The following UBE3D variants were observed in gnomAD, a reference collection of about 807,000 sequenced individuals.
UBE3D encodes the protein ubiquitin protein ligase E3D.
In UBE3D, 48 loss-of-function variants were observed where a neutral mutation model predicts 49.6. The ratio of observed to expected loss-of-function variants is 0.97; its 90% CI spans 0.77 to 1.23. UBE3D has a LOEUF of 1.23. Ranked by LOEUF, UBE3D falls within the 50% of genes most tolerant of loss-of-function variation. The pLI, the probability that UBE3D is intolerant of heterozygous loss-of-function variation, is 0.00. For synonymous variants in UBE3D, 189 were observed against 174.2 expected, an observed-to-expected ratio of 1.08 and a Z score of -0.67; for missense variants, 452 against 468.4, an observed-to-expected ratio of 0.96 and a Z score of 0.32.
intron 9 of UBE3D, among the ~76,000 whole-genome samples, chr6:82,922,850 G>A (rs530014980): frequency 6.6e-6 from 1 of 152,286 alleles, no homozygotes; most frequent in East Asian, 1.9e-4. Flanking sequence ...AATCTACAAA[G>A]AAGGTAAACA....
chr6:82,931,064 C>T (rs1774107275), intron 9 of UBE3D, among the ~76,000 whole-genome samples: 1 of 152,188 alleles, frequency 6.6e-6, no homozygotes, highest in Non-Finnish European at 1.5e-5. Flanking sequence ...CGCATCCTAG[C>T]TGCTCCAGTC....
chr6:82,968,217 A>G (rs1277317828), intron 8 of UBE3D, among the ~76,000 whole-genome samples: 2 of 152,126 alleles, frequency 1.3e-5, no homozygotes, highest in East Asian at 3.9e-4. Flanking sequence ...TTGTATTTTT[A>G]AAGCTTACCA....
chr6:83,063,412 T>TAAAAAAAAAAAAAAAAAAAAAAAAA (rs201669450), intron 1 of UBE3D, among the ~76,000 whole-genome samples: 1 of 45,496 alleles, frequency 2.2e-5, no homozygotes, highest in Non-Finnish European at 4.4e-5. Flanking sequence ...AGACGCTGTC[T>TAAAAAAAAAAAAAAAAAAAAAAAAA]AAAAAAAAAA....
Position 83,057,926 on chromosome 6 carries a change from T to C in UBE3D, c.174A>G (p.Pro58=), listed in dbSNP as rs145853060. Residue 58 remains proline (P), a synonymous_variant, in exon 2 of 10, where the codon CCA becomes CCG. Coordinates refer to ENST00000369747, the MANE Select transcript of UBE3D (RefSeq NM_198920.3). The stretch of plus-strand genomic sequence containing the variant: ...AGGAAGGTACAAGCCTGACCTCTGC[T>C]GGAAGCTGGATTTCTGTGCAGCCTT... The part of the protein sequence containing the change: ...TPEGCTEIQL[P]AEVRLVPSSC... The C allele has an allele frequency of 3.1e-6, 5 of 1,614,096 alleles. No homozygotes were observed. In the African/African-American group the frequency reaches 6.7e-5, roughly 22 times the overall value.
chr6:82,961,561 GCA>G (rs1016524150), intron 8 of UBE3D, among the ~76,000 whole-genome samples: 4 of 152,156 alleles, frequency 2.6e-5, no homozygotes, highest in African/African-American at 9.7e-5. Context: ...TGTGCTATTC[GCA>G]CCACACCACA....
At chr6:82,886,885 T>C in the UBE3D span, among the ~76,000 whole-genome samples, 1 of 152,218 alleles carries the variant, frequency 6.6e-6, no homozygotes, top group African/African-American at 2.4e-5. Flanking sequence ...TTTATTTCAA[T>C]TCTTTTGTTA....
intron 8 of UBE3D, among the ~76,000 whole-genome samples, chr6:82,980,975 T>G (rs945375156): frequency 1.3e-5 from 2 of 152,072 alleles, no homozygotes; most frequent in Non-Finnish European, 2.9e-5. Flanking sequence ...TATGGATGAG[T>G]TTCCTTACTA....
intron 1 of UBE3D, chr6:83,063,256 A>G (rs1483791916): frequency 4.3e-6 from 1 of 231,068 alleles, no homozygotes; most frequent in Non-Finnish European, 8.9e-6. Flanking sequence ...CTACAAAAAA[A>G]TACAAAAATT....
At chr6:83,050,130 A>G (rs895378888) in intron 3 of UBE3D, among the ~76,000 whole-genome samples, 3 of 152,156 alleles carry the variant, frequency 2.0e-5, no homozygotes, top group Non-Finnish European at 4.4e-5. Context: ...CATTGCTATA[A>G]TTAGCAGATA....
At chr6:82,986,470 CAAAAAAAAAAAA>C (rs58841514) in intron 8 of UBE3D, among the ~76,000 whole-genome samples, 2 of 34,866 alleles carry the variant, frequency 5.7e-5, no homozygotes, top group Non-Finnish European at 1.1e-4. Context: ...CACTCTGTCT[CAAAAAAAAAAAA>C]AAAAAAAAAA....
At chr6:82,936,871 A>T (rs1774616434) in intron 9 of UBE3D, among the ~76,000 whole-genome samples, 1 of 152,182 alleles carries the variant, frequency 6.6e-6, no homozygotes, top group South Asian at 2.1e-4. Context: ...ACTTCTGTGA[A>T]ACTTTCAACT....
In UBE3D at chr6:83,038,326, T is replaced by C. The variant is rs756133245; in HGVS notation, c.667+90A>G. ...CCAATTCCACAACATATATTAATCA[T>C]CTATCTTTCCTATATATTTACTATA... On this transcript the variant is annotated intron_variant, in intron 5 of 9. Transcript: ENST00000369747. The C allele has an allele frequency of 9.5e-6, 10 of 1,047,340 alleles. No individual in the cohort carries two copies. The South Asian group carries it at 9.8e-5, about 10-fold the overall frequency. The allele number at this position is 1,047,340 out of a possible 1,614,324, so 64.9% of individuals were successfully genotyped here.
downstream of UBE3D, among the ~76,000 whole-genome samples, chr6:82,887,711 C>CAAAAA (rs898209606): frequency 0.052 from 7,719 of 147,406 alleles, 269 homozygotes; most frequent in African/African-American, 0.089. Context: ...TCCATCCCCC[C>CAAAAA]AAAAAAAAAG....
rs78551616 is a variant in UBE3D, at chr6:83,065,763, G to C, written c.-45C>G. ...ACCGGACCAAGCTGGAGGTTCCGAG[G>C]GGCCCGGGTCAACAGGACCAGGAGA... On this transcript the variant is annotated 5_prime_UTR_variant, in exon 1 of 10. Coordinates refer to ENST00000369747, the MANE Select transcript of UBE3D (RefSeq NM_198920.3). 1.9e-6 allele frequency: 3 copies of C among 1,569,328 alleles called. No homozygotes were observed. The highest frequency in any genetic ancestry group is 2.6e-6 in the Non-Finnish European group (3 of 1,153,806).
intron 9 of UBE3D, among the ~76,000 whole-genome samples, chr6:82,910,133 C>T (rs957606242): frequency 6.6e-6 from 1 of 152,162 alleles, no homozygotes; most frequent in Non-Finnish European, 1.5e-5. Flanking sequence ...ACAGTCCACA[C>T]ACACAGACAC....
intron 9 of UBE3D, among the ~76,000 whole-genome samples, chr6:82,933,726 T>C (rs1774337165): frequency 6.6e-6 from 1 of 152,188 alleles, no homozygotes; most frequent in African/African-American, 2.4e-5. Context: ...GGTTAAATCA[T>C]AGAGAGCCAA....
chr6:82,982,593 C>G (rs1778189097), intron 8 of UBE3D, among the ~76,000 whole-genome samples: 1 of 152,176 alleles, frequency 6.6e-6, no homozygotes, highest in Non-Finnish European at 1.5e-5. Context: ...CCCCGAATTT[C>G]CTAAAAACTG....
intron 8 of UBE3D, among the ~76,000 whole-genome samples, chr6:83,004,132 G>A (rs1779815092): frequency 6.6e-6 from 1 of 152,116 alleles, no homozygotes; most frequent in Non-Finnish European, 1.5e-5. Flanking sequence ...TGAACATACT[G>A]TAAATCAGAA....
intron 2 of UBE3D, among the ~76,000 whole-genome samples, chr6:83,055,192 T>A (rs1783738740): frequency 6.6e-6 from 1 of 152,232 alleles, no homozygotes; most frequent in Non-Finnish European, 1.5e-5. Flanking sequence ...TAAGGCCGCA[T>A]GTTCCCTTAG....
Sources: allele counts gnomAD v4.1 joint callset (sites outside exome capture counted in the v4.1 genomes callset), GRCh38; gene constraint gnomAD v4.1.1; transcripts MANE v1.5; gene names NCBI Gene and HGNC (gene_info 2026-07-23, HGNC 2026-07-21).